The following KIAA1549 variants were observed in gnomAD, a reference collection of about 807,000 sequenced individuals.
KIAA1549 encodes KIAA1549, also known as UPF0606 protein KIAA1549.
In KIAA1549, 70 loss-of-function variants were observed where a neutral mutation model predicts 156.4. The ratio of observed to expected loss-of-function variants is 0.45; its 90% CI spans 0.37 to 0.55. The LOEUF is 0.55. KIAA1549 is among the 20% of genes least tolerant of loss of function. KIAA1549 has a pLI of 0.00. For synonymous variants in KIAA1549, 1,103 were observed against 1,066.4 expected (o/e 1.03, Z -0.67); for missense variants, 2,428 against 2,540.9 (o/e 0.96, Z 0.96).
rs545533821 is a variant in KIAA1549 at position 138,860,479 on chromosome 7, G to C, written c.5247+660C>G. Among the ~76,000 whole-genome samples the C allele has an allele frequency of 2.3e-4, 35 of 152,256 alleles. No individual in the cohort carries two copies. The South Asian group carries it at 4.4e-3, about 19-fold the overall frequency. ...AGCTTCTCTCCAGAGTCAAACCTTA[G>C]TCCAATCATTTCATATGAAATTAGC... On this transcript the variant is annotated intron_variant, in intron 16 of 19. Coordinates refer to ENST00000422774, the MANE Select transcript of KIAA1549 (RefSeq NM_001164665.2).
At position 138,834,102 on chromosome 7, in the gene KIAA1549, T is replaced by C. The variant is rs1334222265; in HGVS notation, c.*3804A>G. 1 of 222,398 alleles carries C rather than the reference T, an allele frequency of 4.5e-6. No individual in the cohort carries two copies. Among genetic ancestry groups the C allele is most frequent in the Non-Finnish European group, 9.0e-6 (1 of 111,214 alleles). The allele number at this position is 222,398 out of a possible 1,614,324, so 13.8% of individuals were successfully genotyped here. On this transcript the variant is annotated 3_prime_UTR_variant, in exon 20 of 20. Coordinates refer to ENST00000422774, the MANE Select transcript of KIAA1549 (RefSeq NM_001164665.2). ...TTCAGAAGTTGACGTCTCCCCAAGA[T>C]ATTGCATTTCCAAACATGCAACTTC...
chr7:138,975,418 A>T (rs1057488797), intron 1 of KIAA1549, among the ~76,000 whole-genome samples: 1 of 147,762 alleles, frequency 6.8e-6, no homozygotes, highest in African/African-American at 2.7e-5. Flanking sequence ...AAAACAACCT[A>T]ACAGAAAAAG....
At chr7:138,926,937 C>T (rs1308623364) in intron 1 of KIAA1549, among the ~76,000 whole-genome samples, 1 of 152,196 alleles carries the variant, frequency 6.6e-6, no homozygotes, top group Non-Finnish European at 1.5e-5. Flanking sequence ...CCTTCCTTCC[C>T]ACTGAGGTAG....
Position 138,918,648 on chromosome 7 carries a change from G to A in KIAA1549, c.978C>T (p.Thr326=), listed in dbSNP as rs1812430901. The change falls in exon 2 of 20, where the codon ACC becomes ACT. Residue 326 remains threonine (T), a synonymous_variant. Transcript: ENST00000422774. The surrounding 1 kb of genome is among the most constrained non-coding windows in gnomAD (Gnocchi z 4.2). The part of the protein sequence containing the change: ...ATSADRYTDV[T]TVLSQSLEET... ...CTTCTAGGCTTTGACTCAACACAGT[G>A]GTCACATCAGTGTATCTGTCTGCAC... The A allele has an allele frequency of 6.2e-7, 1 of 1,613,632 alleles. No homozygotes were observed. Among genetic ancestry groups the A allele is most frequent in the Admixed American group, 1.7e-5 (1 of 59,996 alleles).
intron 16 of KIAA1549, among the ~76,000 whole-genome samples, chr7:138,856,865 T>C (rs1282995812): frequency 1.1e-4 from 17 of 152,084 alleles, no homozygotes; most frequent in Admixed American, 1.0e-3. Flanking sequence ...CAGAAGAGGG[T>C]AGCATTTGAA....
Position 138,835,277 on chromosome 7 carries a change from T to A in KIAA1549, c.*2629A>T, listed in dbSNP as rs1809675155. 4.7e-6 allele frequency: 1 copy of A among 214,936 alleles called. No individual in the cohort carries two copies. The highest frequency in any genetic ancestry group is 1.4e-3 in the Middle Eastern group (1 of 692). The allele number at this position is 214,936 out of a possible 1,614,324, so 13.3% of individuals were successfully genotyped here. A position where few individuals can be genotyped will look rare whatever the true frequency, so the allele number is the denominator to read the frequency against. On this transcript the variant is annotated 3_prime_UTR_variant, in exon 20 of 20. Coordinates refer to ENST00000422774, the MANE Select transcript of KIAA1549 (RefSeq NM_001164665.2). ...GCGTCGAGAGGAAGCAAGTACAAAC[T>A]GTGTGTGCTTTATGACCACCAGCAG...
intron 1 of KIAA1549, among the ~76,000 whole-genome samples, chr7:138,949,000 C>T (rs997770363): frequency 1.3e-5 from 2 of 152,118 alleles, no homozygotes; most frequent in Non-Finnish European, 2.9e-5. Flanking sequence ...CCACCGCGCC[C>T]GGCCAGGGTT....
intron 16 of KIAA1549, among the ~76,000 whole-genome samples, chr7:138,858,641 T>A (rs1291013414): frequency 6.6e-6 from 1 of 152,114 alleles, no homozygotes; most frequent in Non-Finnish European, 1.5e-5. Context: ...ATACTCTAAC[T>A]GATGTTGCAT....
intron 1 of KIAA1549, among the ~76,000 whole-genome samples, chr7:138,960,088 A>AC (rs1217133398): frequency 6.6e-6 from 1 of 152,074 alleles, no homozygotes; most frequent in African/African-American, 2.4e-5. Flanking sequence ...GGAGAAACAG[A>AC]ATTTGTGCCC....
chr7:138,853,666 C>T (rs964040293), intron 16 of KIAA1549, among the ~76,000 whole-genome samples: 1 of 152,136 alleles, frequency 6.6e-6, no homozygotes, highest in African/African-American at 2.4e-5. Context: ...GCTTCCATCC[C>T]CTTGGCTGTC....
chr7:138,952,297 C>T (rs1216760157), intron 1 of KIAA1549, among the ~76,000 whole-genome samples: 1 of 152,182 alleles, frequency 6.6e-6, no homozygotes, highest in African/African-American at 2.4e-5. Flanking sequence ...TTATTAATAA[C>T]ATGGCCTAGA....
chr7:138,884,518 C>G (rs1256459489), intron 10 of KIAA1549, among the ~76,000 whole-genome samples: 1 of 152,134 alleles, frequency 6.6e-6, no homozygotes, highest in Non-Finnish European at 1.5e-5. Flanking sequence ...AGAACAGATT[C>G]TTTGTGGTAA....
intron 1 of KIAA1549, among the ~76,000 whole-genome samples, chr7:138,962,682 G>A (rs1443544700): frequency 6.6e-6 from 1 of 152,164 alleles, no homozygotes; most frequent in East Asian, 1.9e-4. Flanking sequence ...ACAGCCAAGT[G>A]AGTGACCCCA....
In KIAA1549 at chr7:138,869,766, G is replaced by A; in HGVS notation, c.4552-5C>T. 3 of 1,605,050 alleles carry A rather than the reference G, an allele frequency of 1.9e-6. No homozygotes were observed. Among genetic ancestry groups the A allele is most frequent in the Non-Finnish European group, 2.5e-6 (3 of 1,177,070 alleles). ...GTGCCGCAGCGCGGTCTGAATCTGA[G>A]GAAGGGTGAGGGAGAGAAAGACAGC... is the stretch of plus-strand genomic sequence containing the variant. On this transcript the variant is annotated splice_polypyrimidine_tract_variant and splice_region_variant and intron_variant, in intron 13 of 19. Coordinates refer to ENST00000422774, the MANE Select transcript of KIAA1549 (RefSeq NM_001164665.2).
chr7:138,869,626 G>T lies in KIAA1549; in HGVS notation c.4687C>A (p.Arg1563=). 1 of 1,608,564 alleles carries T rather than the reference G, an allele frequency of 6.2e-7. No homozygotes were observed. The change falls in exon 14 of 20, where the codon CGG becomes AGG. Residue 1563 remains arginine, a synonymous_variant. Transcript: ENST00000422774. ...TGCATCTGTGCCCTGCGGTACACCCGGTGTCGCTCCTTAGTGTCGCCCGAG... is the reference window on the plus strand; with the variant it reads ...TGCATCTGTGCCCTGCGGTACACCCTGTGTCGCTCCTTAGTGTCGCCCGAG... ...LSSGDTKERH[R]VYRRAQMQID...
chr7:138,939,225 C>A (rs75818323), intron 1 of KIAA1549, among the ~76,000 whole-genome samples: 11,410 of 152,118 alleles, frequency 0.075, 548 homozygotes, highest in South Asian at 0.2. Context: ...ATTATCACAC[C>A]CAACAAAATT....
chr7:138,967,960 T>A (rs1796430214), intron 1 of KIAA1549, among the ~76,000 whole-genome samples: 1 of 152,176 alleles, frequency 6.6e-6, no homozygotes, highest in Non-Finnish European at 1.5e-5. Flanking sequence ...GTGCTCCTGC[T>A]CTGCACCAAG....
At chr7:138,902,366 C>T (rs116790696) in intron 8 of KIAA1549, among the ~76,000 whole-genome samples, 175 of 152,278 alleles carry the variant, frequency 1.1e-3, no homozygotes, top group African/African-American at 3.9e-3. Context: ...CACCCACCTC[C>T]CTACCCTGCC....
In KIAA1549 at chr7:138,881,460, G is replaced by A. The variant is rs746712955; in HGVS notation, c.4157C>T (p.Thr1386Met). The change falls in exon 11 of 20, where the codon ACG (threonine) becomes ATG (methionine). Residue 1386 changes from threonine (T) to methionine (M), a missense_variant. By Grantham distance (81) the Thr-to-Met change is moderately conservative. Coordinates refer to ENST00000422774, the MANE Select transcript of KIAA1549 (RefSeq NM_001164665.2). ...TGGCACGTCTCCATTTTCCGAGGGC[G>A]TGGTGTGGTCCTTCAGAGGTCCTGG... ...PLPGPLKDHT[T>M]PSENGDVPSP... 1.9e-5 allele frequency: 30 copies of A among 1,613,898 alleles called. No homozygotes were observed. The Admixed American group carries it at 2.8e-4, about 15-fold the overall frequency.
Sources: gnomAD v4.1 joint callset for allele counts (sites outside exome capture counted in the v4.1 genomes callset) on GRCh38, gnomAD v4.1.1 for gene constraint, Gnocchi (gnomAD v3.1) non-coding constraint, MANE v1.5 for transcripts, NCBI Gene and HGNC (gene_info 2026-07-23, HGNC 2026-07-21) for gene names.